FSTL5: variants seen among roughly 807,000 people sequenced by gnomAD.
The protein encoded by FSTL5 is follistatin-related protein 5.
Under a neutral mutation model 89.1 loss-of-function variants are expected in FSTL5, and 62 were observed. The ratio of observed to expected loss-of-function variants is 0.70; its 90% CI spans 0.57 to 0.86. The LOEUF (loss-of-function observed/expected upper bound fraction) is 0.86. Among genes scored for constraint, FSTL5 ranks in the 40% least tolerant of loss-of-function variants. The probability of loss-of-function intolerance (pLI) is 0.00; values close to 1 mark genes in which losing one functional copy is unlikely to be tolerated. For missense variants in FSTL5, 1,057 were observed against 1,001.6 expected (o/e 1.06, Z -0.75); for synonymous variants, 383 against 346.2 (o/e 1.11, Z -1.18).
intron 3 of FSTL5, among the ~76,000 whole-genome samples, chr4:162,028,755 A>G (rs1368433403): frequency 6.6e-6 from 1 of 152,184 alleles, no homozygotes. Context: ...GCTAAAATAC[A>G]TGAATTGCCA....
intron 3 of FSTL5, among the ~76,000 whole-genome samples, chr4:162,020,540 G>A (rs1003730711): frequency 6.6e-6 from 1 of 151,876 alleles, no homozygotes; most frequent in Non-Finnish European, 1.5e-5. Context: ...CAATAGATGG[G>A]GACTATTGTT....
At chr4:161,572,859 T>C (rs1424833073) in intron 8 of FSTL5, among the ~76,000 whole-genome samples, 1 of 152,234 alleles carries the variant, frequency 6.6e-6, no homozygotes, top group Middle Eastern at 3.4e-3. Flanking sequence ...AGGTAGGATA[T>C]GGTTTAAACT....
chr4:161,656,818 A>G (rs887134462), intron 6 of FSTL5, among the ~76,000 whole-genome samples: 4 of 152,196 alleles, frequency 2.6e-5, no homozygotes, highest in Non-Finnish European at 5.9e-5. Flanking sequence ...GTGTGTCATC[A>G]GCATTGAAAT....
intron 14 of FSTL5, among the ~76,000 whole-genome samples, chr4:161,458,113 T>C (rs1054918233): frequency 1.3e-5 from 2 of 152,132 alleles, no homozygotes; most frequent in African/African-American, 4.8e-5. Context: ...GCGACAGACA[T>C]GAGGGTGAGG....
chr4:161,610,728 T>C (rs1294834270), intron 7 of FSTL5, among the ~76,000 whole-genome samples: 1 of 152,166 alleles, frequency 6.6e-6, no homozygotes, highest in Admixed American at 6.5e-5. Flanking sequence ...AAAGGGAGCC[T>C]GCTGACACAT....
intron 4 of FSTL5, among the ~76,000 whole-genome samples, chr4:161,868,056 G>A (rs1732147395): frequency 6.6e-6 from 1 of 151,950 alleles, no homozygotes; most frequent in African/African-American, 2.4e-5. Flanking sequence ...GATAAAAGCT[G>A]CATCAGAAAT....
At chr4:161,497,256 A>G (rs1208857070) in intron 12 of FSTL5, among the ~76,000 whole-genome samples, 1 of 152,114 alleles carries the variant, frequency 6.6e-6, no homozygotes, top group Non-Finnish European at 1.5e-5. Flanking sequence ...TGACAGAGTA[A>G]TATAAAATGA....
chr4:161,504,426 T>C (rs542376485), intron 11 of FSTL5, among the ~76,000 whole-genome samples: 3 of 152,004 alleles, frequency 2.0e-5, no homozygotes, highest in Admixed American at 6.6e-5. Context: ...GATTCTACAC[T>C]ACTCTAGACA....
intron 5 of FSTL5, among the ~76,000 whole-genome samples, chr4:161,772,045 T>A: frequency 6.6e-6 from 1 of 152,162 alleles, no homozygotes; most frequent in African/African-American, 2.4e-5. Flanking sequence ...CTAAAGAGCC[T>A]ACCTTCTTTA....
At chr4:162,066,748 C>A (rs1319065495) in intron 2 of FSTL5, among the ~76,000 whole-genome samples, 3 of 151,954 alleles carry the variant, frequency 2.0e-5, no homozygotes, top group Admixed American at 6.6e-5. Flanking sequence ...CATGTCCCTG[C>A]AAAGGACATG....
At chr4:161,902,600 C>A (rs1335651605) in intron 4 of FSTL5, among the ~76,000 whole-genome samples, 1 of 152,092 alleles carries the variant, frequency 6.6e-6, no homozygotes, top group Non-Finnish European at 1.5e-5. Flanking sequence ...GTAATCCCAG[C>A]ACTTTGGGAG....
At chr4:161,603,409 C>G (rs982006463) in intron 7 of FSTL5, among the ~76,000 whole-genome samples, 1 of 152,120 alleles carries the variant, frequency 6.6e-6, no homozygotes, top group Admixed American at 6.6e-5. Flanking sequence ...GAAGAGTTCT[C>G]TCTTTCTCTA....
intron 3 of FSTL5, among the ~76,000 whole-genome samples, chr4:161,942,364 G>C (rs1734611861): frequency 6.6e-6 from 1 of 151,680 alleles, no homozygotes; most frequent in Non-Finnish European, 1.5e-5. Flanking sequence ...CAACATAATT[G>C]ACAAAAATTT....
intron 4 of FSTL5, among the ~76,000 whole-genome samples, chr4:161,776,661 T>A (rs537404935): frequency 6.6e-6 from 1 of 151,762 alleles, no homozygotes; most frequent in East Asian, 1.9e-4. Context: ...CACATATATA[T>A]TTACATTTAT....
At chr4:161,498,323 G>T (rs1342133656) in intron 12 of FSTL5, among the ~76,000 whole-genome samples, 1 of 151,882 alleles carries the variant, frequency 6.6e-6, no homozygotes, top group African/African-American at 2.4e-5. Context: ...ATTTTTGCTT[G>T]TTTTTTTAAC....
intron 15 of FSTL5, among the ~76,000 whole-genome samples, chr4:161,423,640 C>T (rs1001768601): frequency 4.0e-5 from 6 of 151,392 alleles, no homozygotes; most frequent in South Asian, 2.1e-4. Flanking sequence ...CTTGAATTTC[C>T]GGAGACTGAG....
intron 7 of FSTL5, among the ~76,000 whole-genome samples, chr4:161,608,347 G>A (rs112753499): frequency 0.018 from 2,781 of 152,016 alleles, 88 homozygotes; most frequent in African/African-American, 0.062. Flanking sequence ...AGTTCACCTC[G>A]GTACCAATGG....
chr4:161,459,117 G>T, intron 14 of FSTL5, 95 bp downstream of exon 14: 1 of 864,654 alleles, frequency 1.2e-6, no homozygotes, highest in Non-Finnish European at 1.8e-6. Context: ...GTCCTCAGAT[G>T]GAAAAATATC....
At position 161,515,749 on chromosome 4, in the gene FSTL5, G is replaced by A. The variant is rs554510801; in HGVS notation, c.1313-5325C>T. On this transcript the variant is annotated intron_variant, in intron 10 of 15. Transcript: ENST00000306100. ...AACCTAGTACCAATATCAGATGCTA[G>A]CATAAGTAATAGAAGCTCAATAAAT... Among the ~76,000 whole-genome samples the A allele has an allele frequency of 2.0e-5, 3 of 151,794 alleles. No homozygotes were observed. In the South Asian group the frequency reaches 6.2e-4, roughly 32 times the overall value.
Sources: gnomAD v4.1 joint callset for allele counts (sites outside exome capture counted in the v4.1 genomes callset) on GRCh38, gnomAD v4.1.1 for gene constraint, MANE v1.5 for transcripts, NCBI Gene and HGNC (gene_info 2026-07-23, HGNC 2026-07-21) for gene names.